The following STPG2 variants were observed in gnomAD, a reference collection of about 807,000 sequenced individuals.
The protein encoded by STPG2 is sperm-tail PG-rich repeat-containing protein 2.
STPG2 carries 56 observed loss-of-function variants against 54.2 expected under a neutral mutation model. The observed-to-expected ratio is 1.03, with a 90% confidence interval of 0.83 to 1.29. STPG2 has a LOEUF of 1.29. Ranked by LOEUF, STPG2 falls within the 50% of genes most tolerant of loss-of-function variation. STPG2 has a pLI of 0.00. For synonymous variants in STPG2, 200 were observed against 181.8 expected, an observed-to-expected ratio of 1.10 and a Z score of -0.81; for missense variants, 596 against 544.9, an observed-to-expected ratio of 1.09 and a Z score of -0.93.
At chr4:97,740,592 T>C (rs1725192176) in intron 9 of STPG2, among the ~76,000 whole-genome samples, 2 of 152,114 alleles carry the variant, frequency 1.3e-5, no homozygotes, top group Admixed American at 1.3e-4. Flanking sequence ...AGCCAAATCA[T>C]GAATGAACTC....
At chr4:97,524,820 T>G (rs150038104) in intron 4 of STPG2, among the ~76,000 whole-genome samples, 245 of 152,160 alleles carry the variant, frequency 1.6e-3, no homozygotes, top group African/African-American at 5.7e-3. Flanking sequence ...AGAATGATTC[T>G]TCACACTTGA....
chr4:97,442,745 T>G (rs1420523841), intron 4 of STPG2, among the ~76,000 whole-genome samples: 2 of 152,130 alleles, frequency 1.3e-5, no homozygotes, highest in Non-Finnish European at 2.9e-5. Context: ...AATAGTTAAA[T>G]AATGAAACAT....
chr4:98,094,235 T>C lies in STPG2; in HGVS notation c.612+11718A>G, dbSNP rs574629228. On this transcript the variant is annotated intron_variant, in intron 5 of 10. Coordinates refer to ENST00000295268, the MANE Select transcript of STPG2 (RefSeq NM_174952.3). ...GTTGTGAAGCCTCCATTCCAGGCCC[T>C]AGCTCCTGAATGATATTTCTAGACA... Among the ~76,000 whole-genome samples, 3 of 152,260 alleles carry C rather than the reference T, an allele frequency of 2.0e-5. No individual in the cohort carries two copies. In the South Asian group the frequency reaches 6.2e-4, roughly 32 times the overall value.
chr4:97,646,312 C>G (rs899733405), intron 10 of STPG2, among the ~76,000 whole-genome samples: 2 of 152,116 alleles, frequency 1.3e-5, no homozygotes, highest in African/African-American at 4.8e-5. Context: ...ATTTGTATAT[C>G]AATGTAGTTG....
chr4:97,882,157 C>G lies in STPG2; in HGVS notation c.1045-41225G>C, dbSNP rs1368102927. On this transcript the variant is annotated intron_variant, in intron 8 of 10. Coordinates refer to ENST00000295268, the MANE Select transcript of STPG2 (RefSeq NM_174952.3). ...TGGGTTGCTTAAGATTAAGTGTGGG[C>G]TAGCTAGTGTAAGAATATGGAATGC... is the stretch of plus-strand genomic sequence containing the variant. 1.4e-4 allele frequency among the ~76,000 whole-genome samples: 21 copies of G among 152,094 alleles called. 1 individual carries two copies. The highest frequency in any genetic ancestry group is 2.9e-4 in the Non-Finnish European group (20 of 68,026).
intron 10 of STPG2, among the ~76,000 whole-genome samples, chr4:97,565,830 T>C (rs1732416572): frequency 7.5e-6 from 1 of 132,768 alleles, no homozygotes; most frequent in Non-Finnish European, 1.7e-5. Flanking sequence ...GTGTGAGGTG[T>C]CATTCTGCCG....
At chr4:97,516,589 G>A (rs999301968) in intron 4 of STPG2, among the ~76,000 whole-genome samples, 9 of 152,012 alleles carry the variant, frequency 5.9e-5, no homozygotes, top group Middle Eastern at 3.2e-3. Context: ...TTGGGAGACC[G>A]AGGCTGGTGG....
intron 4 of STPG2, among the ~76,000 whole-genome samples, chr4:97,449,904 T>C (rs1177503816): frequency 6.6e-6 from 1 of 152,092 alleles, no homozygotes; most frequent in Non-Finnish European, 1.5e-5. Flanking sequence ...TTTAACAGCA[T>C]AAACAAACAG....
At chr4:97,608,660 T>C (rs906481201) in intron 10 of STPG2, among the ~76,000 whole-genome samples, 3 of 152,040 alleles carry the variant, frequency 2.0e-5, no homozygotes, top group South Asian at 4.1e-4. Context: ...AGTCTGTTTT[T>C]CAGAAAATTA....
At chr4:97,825,172 C>G (rs1728213644) in intron 9 of STPG2, among the ~76,000 whole-genome samples, 1 of 152,108 alleles carries the variant, frequency 6.6e-6, no homozygotes, top group Non-Finnish European at 1.5e-5. Flanking sequence ...CTCTTTTCCT[C>G]ATGAAATCCA....
chr4:97,756,062 TTC>T (rs930592409), intron 9 of STPG2, among the ~76,000 whole-genome samples: 7 of 151,832 alleles, frequency 4.6e-5, no homozygotes, highest in African/African-American at 1.7e-4. Flanking sequence ...CCCTCCCTTC[TTC>T]TCTCTCTCTC....
At chr4:98,126,883 GATT>G (rs1260077557) in intron 3 of STPG2, among the ~76,000 whole-genome samples, 1 of 151,858 alleles carries the variant, frequency 6.6e-6, no homozygotes, top group South Asian at 2.1e-4. Flanking sequence ...TGAAGGATAG[GATT>G]ATTATTATTG....
intron 5 of STPG2, among the ~76,000 whole-genome samples, chr4:98,054,441 CA>C: frequency 6.6e-6 from 1 of 152,090 alleles, no homozygotes; most frequent in South Asian, 2.1e-4. Context: ...TAATTGTGAG[CA>C]AAAATAACTA....
chr4:97,863,221 G>C (rs1729627285), intron 8 of STPG2, among the ~76,000 whole-genome samples: 1 of 152,102 alleles, frequency 6.6e-6, no homozygotes, highest in Non-Finnish European at 1.5e-5. Context: ...AAGAAGAAAA[G>C]AGAGAAGAAT....
In STPG2 at chr4:97,764,258, A is replaced by T. The variant is rs554887660; in HGVS notation, c.1205-51444T>A. 2.0e-5 allele frequency among the ~76,000 whole-genome samples: 3 copies of T among 152,146 alleles called. No individual in the cohort carries two copies. In the South Asian group the frequency reaches 6.2e-4, roughly 32 times the overall value. ...TAGGGTGGACCACCTTAACCTCAAG[A>T]CTAGAACAGATTCCATCTTATACAC... On this transcript the variant is annotated intron_variant, in intron 9 of 10. Transcript: ENST00000295268.
chr4:98,008,192 G>C (rs1173471057), intron 5 of STPG2, among the ~76,000 whole-genome samples: 1 of 151,918 alleles, frequency 6.6e-6, no homozygotes, highest in Non-Finnish European at 1.5e-5. Flanking sequence ...ATCAGCAAGA[G>C]AAAAGCATCT....
intron 10 of STPG2, among the ~76,000 whole-genome samples, chr4:97,642,124 C>A (rs906149497): frequency 2.5e-4 from 38 of 151,050 alleles, no homozygotes; most frequent in African/African-American, 8.5e-4. Flanking sequence ...ATAAACAGAT[C>A]CAAAGAAAAT....
At chr4:98,007,204 C>G (rs1342401498) in intron 5 of STPG2, among the ~76,000 whole-genome samples, 2 of 152,196 alleles carry the variant, frequency 1.3e-5, no homozygotes, top group Admixed American at 1.3e-4. Context: ...CCAGATCTTA[C>G]CTGCAAGTGT....
chr4:97,573,904 C>T (rs559565143), intron 10 of STPG2, among the ~76,000 whole-genome samples: 2 of 151,976 alleles, frequency 1.3e-5, no homozygotes, highest in Non-Finnish European at 2.9e-5. Flanking sequence ...TTATACAAAG[C>T]CTGGAATGTA....
Sources: allele counts gnomAD v4.1 joint callset (sites outside exome capture counted in the v4.1 genomes callset), GRCh38; gene constraint gnomAD v4.1.1; transcripts MANE v1.5; gene names NCBI Gene and HGNC (gene_info 2026-07-23, HGNC 2026-07-21).